The following ARMC8 variants were observed in gnomAD, a reference collection of about 807,000 sequenced individuals.
ARMC8 encodes armadillo repeat-containing protein 8.
Under a neutral mutation model 99.3 loss-of-function variants are expected in ARMC8, and 20 were observed. The observed-to-expected ratio is 0.20, with a 90% CI of 0.14 to 0.29. The LOEUF (loss-of-function observed/expected upper bound fraction) is 0.29, where lower values mean the gene tolerates loss of function less well. ARMC8 is among the 10% of genes least tolerant of loss of function. ARMC8 has a pLI of 1.00. For synonymous variants in ARMC8, 263 were observed against 278.3 expected (o/e 0.95, Z 0.55); for missense variants, 569 against 809.5 (o/e 0.70, Z 3.60).
chr3:138,275,201 G>A (rs2049158874), intron 18 of ARMC8, among the ~76,000 whole-genome samples: 1 of 152,192 alleles, frequency 6.6e-6, no homozygotes, highest in African/African-American at 2.4e-5. Context: ...CAGGACCAGA[G>A]ATACTGGCGA....
At chr3:138,263,400 C>T (rs1213079680) in intron 12 of ARMC8, 1 of 249,142 alleles carries the variant, frequency 4.0e-6, no homozygotes, top group Non-Finnish European at 7.9e-6. Context: ...GGAACCTGCC[C>T]AATGAGAGTT....
chr3:138,257,629 C>T (rs919964156), intron 12 of ARMC8, among the ~76,000 whole-genome samples: 6 of 151,900 alleles, frequency 3.9e-5, no homozygotes, highest in Admixed American at 1.3e-4. Context: ...GTCTTGATGG[C>T]GCTGACATGA....
chr3:138,200,903 G>GTT (rs1176088127), intron 1 of ARMC8, among the ~76,000 whole-genome samples: 1 of 130,550 alleles, frequency 7.7e-6, no homozygotes, highest in Non-Finnish European at 1.6e-5. Flanking sequence ...CCTTCAGTGG[G>GTT]CTTTTTTTTT....
chr3:138,218,460 T>C (rs1474538346), intron 2 of ARMC8, among the ~76,000 whole-genome samples: 1 of 152,186 alleles, frequency 6.6e-6, no homozygotes, highest in Non-Finnish European at 1.5e-5. Context: ...GCTCCTTGTA[T>C]TGCCCCAGGA....
In ARMC8 at chr3:138,255,817, T is replaced by C. The variant is rs144933244; in HGVS notation, c.1135-7922T>C. Reference sequence around the variant, plus strand: ...CAACATGGTGAAACCCCATGTCTACTAAAAATACAAAAATTAGCTGGGCGT... The same window carrying C: ...CAACATGGTGAAACCCCATGTCTACCAAAAATACAAAAATTAGCTGGGCGT... On this transcript the variant is annotated intron_variant, in intron 12 of 21. Coordinates refer to ENST00000469044, the MANE Select transcript of ARMC8 (RefSeq NM_001363941.2). Among the ~76,000 whole-genome samples the C allele has an allele frequency of 7.9e-3, 1,204 of 152,210 alleles. 8 individuals are homozygous for C. Among genetic ancestry groups the C allele is most frequent in the Admixed American group, 0.012 (189 of 15,292 alleles).
In ARMC8 at chr3:138,241,772, C is replaced by T. The variant is rs1369541278; in HGVS notation, c.838-11C>T. 6.2e-7 allele frequency: 1 copy of T among 1,613,234 alleles called. No homozygotes were observed. Among genetic ancestry groups the T allele is most frequent in the Admixed American group, 1.7e-5 (1 of 60,018 alleles). Reference sequence around the variant, plus strand: ...ACCAAAAAGCAAATAATTAATCTCACTACCTTTCAGACATTACCTTGTTTG... The same window carrying T: ...ACCAAAAAGCAAATAATTAATCTCATTACCTTTCAGACATTACCTTGTTTG... On this transcript the variant is annotated splice_polypyrimidine_tract_variant and intron_variant, in intron 10 of 21. Transcript: ENST00000469044.
In ARMC8 at chr3:138,187,665, CCCAAGCGTGGTGTGCCTCCTGGGCACCA is replaced by C. The variant is rs1576545329; in HGVS notation, c.45+69_45+96del. 8 of 1,506,532 alleles carry C rather than the reference CCCAAGCGTGGTGTGCCTCCTGGGCACCA, an allele frequency of 5.3e-6. No individual in the cohort carries two copies. The East Asian group carries it at 2.0e-4, about 37-fold the overall frequency. The allele number at this position is 1,506,532 out of a possible 1,614,324, so 93.3% of individuals were successfully genotyped here. On this transcript the variant is annotated intron_variant, in intron 1 of 21. Transcript: ENST00000469044. ...GCCTCATCCCGGTCTCCACCATTCC[CCCAAGCGTGGTGTGCCTCCTGGGCACCA>C]CCCCCTGGGGTGGACCCCGGCTCAG...
intron 3 of ARMC8, among the ~76,000 whole-genome samples, chr3:138,222,889 T>C (rs893074081): frequency 6.6e-6 from 1 of 152,218 alleles, no homozygotes; most frequent in African/African-American, 2.4e-5. Context: ...ATCTCTTCCT[T>C]TTCCAAATGA....
chr3:138,271,653 A>G (rs1004289486), intron 16 of ARMC8, among the ~76,000 whole-genome samples: 5 of 152,214 alleles, frequency 3.3e-5, no homozygotes, highest in African/African-American at 1.2e-4. Flanking sequence ...CTCTTGACAC[A>G]TAGAGTATTC....
chr3:138,246,120 AGAG>A, intron 12 of ARMC8: 1 of 985,398 alleles, frequency 1.0e-6, no homozygotes, highest in Non-Finnish European at 1.2e-6. Flanking sequence ...GCCTGTAGAA[AGAG>A]GAGTATGGAA....
intron 19 of ARMC8, chr3:138,287,931 C>G (rs528528436): frequency 4.6e-6 from 1 of 216,530 alleles, no homozygotes; most frequent in African/African-American, 2.3e-5. Flanking sequence ...TTCATTCAGG[C>G]GAAAACACCC....
chr3:138,200,250 C>T (rs978379731), intron 1 of ARMC8, among the ~76,000 whole-genome samples: 10 of 152,152 alleles, frequency 6.6e-5, no homozygotes, highest in East Asian at 1.9e-4. Flanking sequence ...AATTAAGTAA[C>T]GGTATGTTTG....
intron 1 of ARMC8, among the ~76,000 whole-genome samples, chr3:138,191,755 C>T (rs2043396727): frequency 6.6e-6 from 1 of 152,186 alleles, no homozygotes; most frequent in Admixed American, 6.5e-5. Flanking sequence ...TGGAATCATA[C>T]AGTATGTGAC....
chr3:138,200,639 T>C lies in ARMC8; in HGVS notation c.46-9178T>C, dbSNP rs2044001391. ...AAAATCATGTTTCAGACTTAAAAAATGGATCCTGATTAGAACTGCTGAGAG... is the reference window on the plus strand; with the variant it reads ...AAAATCATGTTTCAGACTTAAAAAACGGATCCTGATTAGAACTGCTGAGAG... On this transcript the variant is annotated intron_variant, in intron 1 of 21. Coordinates refer to ENST00000469044, the MANE Select transcript of ARMC8 (RefSeq NM_001363941.2). Among the ~76,000 whole-genome samples, 3 of 152,040 alleles carry C rather than the reference T, an allele frequency of 2.0e-5. 1 individual carries two copies. In the South Asian group the frequency reaches 6.2e-4, roughly 32 times the overall value.
intron 3 of ARMC8, among the ~76,000 whole-genome samples, chr3:138,223,142 G>A (rs1311890980): frequency 6.6e-6 from 1 of 152,070 alleles, no homozygotes; most frequent in Non-Finnish European, 1.5e-5. Context: ...GACTATCTGT[G>A]GACAACTTTC....
At chr3:138,255,535 A>G (rs1045660473) in intron 12 of ARMC8, among the ~76,000 whole-genome samples, 6 of 152,074 alleles carry the variant, frequency 3.9e-5, no homozygotes, top group African/African-American at 1.2e-4. Flanking sequence ...TCATGGAGTT[A>G]GAAGAATTTG....
chr3:138,241,563 G>T (rs114576554), intron 10 of ARMC8, among the ~76,000 whole-genome samples: 1 of 152,104 alleles, frequency 6.6e-6, no homozygotes, highest in Non-Finnish European at 1.5e-5. Flanking sequence ...ATACTTTGAC[G>T]TACGAATAGA....
intron 5 of ARMC8, among the ~76,000 whole-genome samples, chr3:138,226,691 A>C (rs754622878): frequency 6.6e-6 from 1 of 152,048 alleles, no homozygotes; most frequent in Non-Finnish European, 1.5e-5. Context: ...TTTCTCACCT[A>C]CCCTCAATCC....
intron 12 of ARMC8, among the ~76,000 whole-genome samples, chr3:138,248,318 C>T (rs1354227217): frequency 6.6e-6 from 1 of 152,160 alleles, no homozygotes. Context: ...AGAGTAAGAG[C>T]ATAGGCAGGA....
Sources: gnomAD v4.1 joint callset for allele counts (sites outside exome capture counted in the v4.1 genomes callset) on GRCh38, gnomAD v4.1.1 for gene constraint, MANE v1.5 for transcripts, NCBI Gene and HGNC (gene_info 2026-07-23, HGNC 2026-07-21) for gene names.